The following MYT1L variants were observed in gnomAD, a reference collection of about 807,000 sequenced individuals.
MYT1L encodes myelin transcription factor 1 like.
Under a neutral mutation model 126.7 loss-of-function variants are expected in MYT1L, and 12 were observed. The observed-to-expected ratio is 0.09, with a 90% CI of 0.06 to 0.15. MYT1L has a LOEUF of 0.15. Among genes scored for constraint, MYT1L ranks in the 10% least tolerant of loss-of-function variants. The pLI is 1.00. For missense variants in MYT1L, 979 were observed against 1,585.2 expected (o/e 0.62, Z 6.49); for synonymous variants, 541 against 604.2 (o/e 0.90, Z 1.53).
At chr2:2,124,044 G>A (rs2147931283) in intron 3 of MYT1L, among the ~76,000 whole-genome samples, 1 of 152,328 alleles carries the variant, frequency 6.6e-6, no homozygotes, top group East Asian at 1.9e-4. Flanking sequence ...TGAAACCACA[G>A]AGTGTATGGC....
chr2:2,285,816 C>A (rs2095511681), intron 1 of MYT1L, among the ~76,000 whole-genome samples: 1 of 152,198 alleles, frequency 6.6e-6, no homozygotes, highest in Non-Finnish European at 1.5e-5. Context: ...TGTACATTGG[C>A]TCAAGATGCT....
intron 8 of MYT1L, among the ~76,000 whole-genome samples, chr2:1,972,807 G>A (rs1459945398): frequency 6.6e-6 from 1 of 152,198 alleles, no homozygotes; most frequent in African/African-American, 2.4e-5. Context: ...GCAAGCCAGA[G>A]GGACCCCAGT....
intron 2 of MYT1L, among the ~76,000 whole-genome samples, chr2:2,229,319 T>G (rs1010756833): frequency 6.6e-6 from 1 of 152,242 alleles, no homozygotes; most frequent in African/African-American, 2.4e-5. Context: ...TCATTCTTTC[T>G]CCTACATTTG....
chr2:1,921,585 A>T (rs955078764), intron 10 of MYT1L, among the ~76,000 whole-genome samples: 1 of 152,230 alleles, frequency 6.6e-6, no homozygotes, highest in Non-Finnish European at 1.5e-5. Flanking sequence ...ATTTGAGAAA[A>T]GCGCCATAAC....
intron 3 of MYT1L, among the ~76,000 whole-genome samples, chr2:2,121,018 C>A (rs558924109): frequency 6.6e-6 from 1 of 152,152 alleles, no homozygotes; most frequent in Admixed American, 6.5e-5. Context: ...CGCGGAGGAA[C>A]CAGCGCCCAC....
intron 4 of MYT1L, among the ~76,000 whole-genome samples, chr2:2,003,318 G>C (rs996232910): frequency 6.6e-6 from 1 of 152,184 alleles, no homozygotes; most frequent in Admixed American, 6.5e-5. Flanking sequence ...CAGCAGGTAG[G>C]AGGGTCACTT....
intron 22 of MYT1L, among the ~76,000 whole-genome samples, chr2:1,803,172 G>A (rs1163666795): frequency 2.0e-5 from 3 of 152,160 alleles, no homozygotes; most frequent in Non-Finnish European, 4.4e-5. Flanking sequence ...ATACCCTCAA[G>A]ATAAAAATAC....
intron 4 of MYT1L, among the ~76,000 whole-genome samples, chr2:2,020,087 T>A (rs2064879922): frequency 6.6e-6 from 1 of 152,148 alleles, no homozygotes; most frequent in Admixed American, 6.5e-5. Context: ...TCTAGCAATC[T>A]GCCCAGCTCA....
chr2:2,204,319 C>T (rs1454107043), intron 2 of MYT1L, among the ~76,000 whole-genome samples: 2 of 151,658 alleles, frequency 1.3e-5, no homozygotes, highest in Non-Finnish European at 2.9e-5. Flanking sequence ...TCAGAGTGAA[C>T]AGGCAACCTA....
intron 8 of MYT1L, among the ~76,000 whole-genome samples, chr2:1,966,861 A>T (rs1246511427): frequency 1.3e-5 from 2 of 152,326 alleles, no homozygotes; most frequent in Middle Eastern, 3.4e-3. Context: ...CTGTCTTAAA[A>T]AATCAGAGGA....
intron 13 of MYT1L, among the ~76,000 whole-genome samples, chr2:1,904,016 ATACTT>A (rs1288167754): frequency 6.6e-6 from 1 of 152,202 alleles, no homozygotes; most frequent in Non-Finnish European, 1.5e-5. Context: ...TTTAGACTTT[ATACTT>A]GAAATAACTT....
At chr2:2,074,666 A>G (rs2150261013) in intron 3 of MYT1L, among the ~76,000 whole-genome samples, 1 of 152,342 alleles carries the variant, frequency 6.6e-6, no homozygotes, top group South Asian at 2.1e-4. Flanking sequence ...AGAGAGGTGG[A>G]CATGAGCTAA....
chr2:2,314,539 T>C (rs1200110967), intron 1 of MYT1L, among the ~76,000 whole-genome samples: 2 of 152,202 alleles, frequency 1.3e-5, no homozygotes, highest in African/African-American at 2.4e-5. Context: ...CCTTCTGTGA[T>C]TTCTTTTTTT....
intron 3 of MYT1L, among the ~76,000 whole-genome samples, chr2:2,165,776 TGAA>T (rs1477965405): frequency 2.0e-5 from 3 of 152,030 alleles, no homozygotes; most frequent in East Asian, 3.8e-4. Flanking sequence ...TCTTTATTAT[TGAA>T]GAAGTAAATA....
chr2:2,046,845 T>G (rs1010607340), intron 4 of MYT1L, among the ~76,000 whole-genome samples: 1 of 152,208 alleles, frequency 6.6e-6, no homozygotes, highest in African/African-American at 2.4e-5. Context: ...ACCCATACTT[T>G]TCAATACTTT....
At chr2:2,121,368 G>A (rs2080982461) in intron 3 of MYT1L, among the ~76,000 whole-genome samples, 1 of 151,906 alleles carries the variant, frequency 6.6e-6, no homozygotes, top group Non-Finnish European at 1.5e-5. Flanking sequence ...GTAGAGACGG[G>A]GTTTCACTAT....
chr2:1,944,547 T>A (rs1364485620), intron 8 of MYT1L, among the ~76,000 whole-genome samples: 2 of 152,156 alleles, frequency 1.3e-5, no homozygotes, highest in African/African-American at 2.4e-5. Context: ...ACTGGCCCAT[T>A]ATTCTGCAGG....
intron 3 of MYT1L, among the ~76,000 whole-genome samples, chr2:2,121,419 C>T (rs1364315335): frequency 1.3e-5 from 2 of 152,052 alleles, no homozygotes; most frequent in Non-Finnish European, 2.9e-5. Flanking sequence ...TCGTGATCCG[C>T]CCGCCTAGGC....
chr2:1,998,418 G>A (rs1275792479), intron 4 of MYT1L, among the ~76,000 whole-genome samples: 1 of 152,162 alleles, frequency 6.6e-6, no homozygotes, highest in African/African-American at 2.4e-5. Flanking sequence ...TCATAATAGG[G>A]ACATTTTCCC....
Sources: gnomAD v4.1 joint callset for allele counts (sites outside exome capture counted in the v4.1 genomes callset) on GRCh38, gnomAD v4.1.1 for gene constraint, MANE v1.5 for transcripts, NCBI Gene and HGNC (gene_info 2026-07-23, HGNC 2026-07-21) for gene names.